CHST9: variants seen among roughly 807,000 people sequenced by gnomAD.
CHST9 encodes GalNAc-4-sulfotransferase 2.
CHST9 carries 41 observed loss-of-function variants against 44.4 expected under a neutral mutation model. The observed-to-expected ratio is 0.92, with a 90% CI of 0.72 to 1.20. CHST9 has a LOEUF of 1.20. Among genes scored for constraint, CHST9 ranks in the 50% most tolerant of loss-of-function variants. The probability of loss-of-function intolerance (pLI) is 0.00; values close to 1 mark genes in which losing one functional copy is unlikely to be tolerated. For synonymous variants in CHST9, 171 were observed against 178.4 expected (o/e 0.96, Z 0.33); for missense variants, 504 against 516.5 (o/e 0.98, Z 0.23).
At chr18:27,134,455 T>A (rs547983257) in intron 2 of CHST9, among the ~76,000 whole-genome samples, 1 of 152,302 alleles carries the variant, frequency 6.6e-6, no homozygotes, top group Admixed American at 6.5e-5. Flanking sequence ...ACTACTGATG[T>A]TTATGTGCTT....
chr18:27,178,428 T>G (rs535359144), intron 1 of CHST9, among the ~76,000 whole-genome samples: 1 of 152,010 alleles, frequency 6.6e-6, no homozygotes, highest in Non-Finnish European at 1.5e-5. Flanking sequence ...AAAAAATATC[T>G]CACAATTTGA....
At position 27,053,283 on chromosome 18, in the gene CHST9, AAGG is replaced by A. The variant is rs1311623685; in HGVS notation, c.122-4783_122-4781del. On this transcript the variant is annotated intron_variant, in intron 2 of 5. Transcript: ENST00000618847. ...GAAGGAGAAGGAGAAGGAGAAGGAG[AAGG>A]AGAAGGAGAAGGAGAAGGAGAAGGA... is the stretch of plus-strand genomic sequence containing the variant. 1.1e-3 allele frequency among the ~76,000 whole-genome samples: 148 copies of A among 135,238 alleles called. 4 individuals are homozygous for A. Among genetic ancestry groups the A allele is most frequent in the African/African-American group, 3.6e-3 (129 of 36,182 alleles). 88.7% of individuals were successfully genotyped at this position (135,238 alleles called of 152,430 possible). A position where few individuals can be genotyped will look rare whatever the true frequency, so the allele number is the denominator to read the frequency against.
chr18:26,979,009 A>AT (rs1555673586), intron 4 of CHST9, among the ~76,000 whole-genome samples: 354 of 151,714 alleles, frequency 2.3e-3, no homozygotes, highest in Middle Eastern at 3.4e-3. Flanking sequence ...CGTTTTTTTT[A>AT]TTTATTTTAT....
Position 26,915,941 on chromosome 18 carries a change from T to C in CHST9, c.*318A>G. The C allele has an allele frequency of 9.4e-6, 2 of 212,104 alleles. No individual in the cohort carries two copies. Among genetic ancestry groups the C allele is most frequent in the Non-Finnish European group, 1.9e-5 (2 of 105,014 alleles). The allele number at this position is 212,104 out of a possible 1,614,324, so 13.1% of individuals were successfully genotyped here. A position where few individuals can be genotyped will look rare whatever the true frequency, so the allele number is the denominator to read the frequency against. ...CATACACTCATGCTATTTGAGATCC[T>C]TTTTTCCTACCATTGCAAGAGGCTG... On this transcript the variant is annotated 3_prime_UTR_variant, in exon 6 of 6. Coordinates refer to ENST00000618847, the MANE Select transcript of CHST9 (RefSeq NM_031422.6).
At chr18:27,144,505 C>T (rs545091228) in intron 1 of CHST9, among the ~76,000 whole-genome samples, 2 of 151,974 alleles carry the variant, frequency 1.3e-5, no homozygotes, top group Non-Finnish European at 2.9e-5. Flanking sequence ...ATGGTGAAAC[C>T]CTGTCTCTAC....
chr18:27,143,449 C>A (rs980862374), intron 1 of CHST9, among the ~76,000 whole-genome samples: 1 of 152,038 alleles, frequency 6.6e-6, no homozygotes, highest in African/African-American at 2.4e-5. Flanking sequence ...GGTTCAAGGA[C>A]CCCTCCCACA....
chr18:27,003,281 C>T (rs539195551), intron 4 of CHST9, among the ~76,000 whole-genome samples: 3 of 152,160 alleles, frequency 2.0e-5, no homozygotes, highest in Non-Finnish European at 4.4e-5. Flanking sequence ...GACCACATGG[C>T]GAGTCAGGGG....
intron 4 of CHST9, among the ~76,000 whole-genome samples, chr18:27,010,482 C>T (rs1345017047): frequency 1.3e-5 from 2 of 152,142 alleles, no homozygotes; most frequent in Non-Finnish European, 2.9e-5. Context: ...AGGACAGAGA[C>T]AGGGCAAGTG....
chr18:27,033,469 T>A (rs2057361231), intron 3 of CHST9, among the ~76,000 whole-genome samples: 1 of 152,200 alleles, frequency 6.6e-6, no homozygotes. Flanking sequence ...TTATGTCCAA[T>A]ATTTCCTAGT....
chr18:27,132,149 G>T (rs769168318), intron 2 of CHST9, among the ~76,000 whole-genome samples: 2 of 152,122 alleles, frequency 1.3e-5, no homozygotes, highest in Non-Finnish European at 2.9e-5. Flanking sequence ...ATTTCACAGA[G>T]ATTAGTTTTT....
At position 26,917,183 on chromosome 18, in the gene CHST9, A is replaced by G. The variant is rs756460816; in HGVS notation, c.408T>C (p.Arg136=). The G allele has an allele frequency of 5.0e-6, 8 of 1,613,884 alleles. No individual in the cohort carries two copies. The highest frequency in any genetic ancestry group is 1.1e-5 in the South Asian group (1 of 91,066). ...GSPTEKLIEK[R]QGAKTVFNKF... is the part of the protein sequence containing the mutation. The stretch of plus-strand genomic sequence containing the variant: ...TGTTAAAAACAGTCTTAGCTCCTTG[A>G]CGTTTTTCAATCAACTTCTCTGTTG... Residue 136 remains arginine, a synonymous_variant, in exon 6 of 6, where the codon CGT becomes CGC. Transcript: ENST00000618847.
chr18:26,991,642 G>A (rs1054122397), intron 4 of CHST9, among the ~76,000 whole-genome samples: 1 of 146,398 alleles, frequency 6.8e-6, no homozygotes. Flanking sequence ...GAAACAGGAG[G>A]AAGCAGCAAG....
At chr18:27,112,072 A>T (rs1243580952) in intron 2 of CHST9, among the ~76,000 whole-genome samples, 1 of 149,108 alleles carries the variant, frequency 6.7e-6, no homozygotes, top group African/African-American at 2.4e-5. Context: ...ATAGATATAT[A>T]TTTTTATATA....
At chr18:27,042,818 C>T (rs1351776148) in intron 3 of CHST9, among the ~76,000 whole-genome samples, 1 of 151,348 alleles carries the variant, frequency 6.6e-6, no homozygotes, top group East Asian at 1.9e-4. Flanking sequence ...TCTTTTATAT[C>T]TTCTTCCTTC....
intron 1 of CHST9, among the ~76,000 whole-genome samples, chr18:27,160,690 A>T (rs533781120): frequency 3.3e-5 from 5 of 152,188 alleles, no homozygotes; most frequent in Non-Finnish European, 7.3e-5. Flanking sequence ...GAATGGTACG[A>T]GCTCCTCCTT....
At chr18:27,008,893 T>C (rs1222345592) in intron 4 of CHST9, among the ~76,000 whole-genome samples, 2 of 150,642 alleles carry the variant, frequency 1.3e-5, no homozygotes, top group South Asian at 4.2e-4. Flanking sequence ...TTCTTGTTTT[T>C]TTGGTTCTGT....
chr18:26,988,588 A>G (rs1056234998), intron 4 of CHST9, among the ~76,000 whole-genome samples: 20 of 152,196 alleles, frequency 1.3e-4, no homozygotes, highest in African/African-American at 3.9e-4. Context: ...AGTCAAATCC[A>G]TAATTGCTGT....
intron 2 of CHST9, among the ~76,000 whole-genome samples, chr18:27,129,647 C>A (rs534942091): frequency 5.9e-5 from 9 of 152,232 alleles, no homozygotes; most frequent in Admixed American, 5.9e-4. Flanking sequence ...TCAGCCTCGG[C>A]CTCCCAAAGT....
chr18:26,943,232 A>G (rs2056110370), intron 5 of CHST9, among the ~76,000 whole-genome samples: 1 of 152,270 alleles, frequency 6.6e-6, no homozygotes, highest in Admixed American at 6.5e-5. Flanking sequence ...GTCAACATGT[A>G]CAACAGTATT....
Sources: gnomAD v4.1 joint callset for allele counts (sites outside exome capture counted in the v4.1 genomes callset) on GRCh38, gnomAD v4.1.1 for gene constraint, MANE v1.5 for transcripts, NCBI Gene and HGNC (gene_info 2026-07-23, HGNC 2026-07-21) for gene names.